RABGAP1L: variants seen among roughly 807,000 people sequenced by gnomAD.
RABGAP1L encodes the protein RAB GTPase activating protein 1 like.
In RABGAP1L, 63 loss-of-function variants were observed where a neutral mutation model predicts 137.7. The ratio of observed to expected loss-of-function variants is 0.46; its 90% CI spans 0.37 to 0.56. RABGAP1L has a LOEUF of 0.56. Among genes scored for constraint, RABGAP1L ranks in the 20% least tolerant of loss-of-function variants. The pLI, the probability that RABGAP1L is intolerant of heterozygous loss-of-function variation, is 0.00. For synonymous variants in RABGAP1L, 431 were observed against 433.7 expected (o/e 0.99, Z 0.08); for missense variants, 1,095 against 1,244.0 (o/e 0.88, Z 1.80).
intron 13 of RABGAP1L, among the ~76,000 whole-genome samples, chr1:174,428,304 GGA>G (rs1652199164): frequency 6.6e-6 from 1 of 152,154 alleles, no homozygotes; most frequent in South Asian, 2.1e-4. Context: ...TCTAGGTCTA[GGA>G]GCTGACAATG....
chr1:174,982,376 C>T (rs1466773925), intron 23 of RABGAP1L, among the ~76,000 whole-genome samples: 1 of 152,138 alleles, frequency 6.6e-6, no homozygotes, highest in Non-Finnish European at 1.5e-5. Context: ...TGAGTGAGAA[C>T]ATCACTCTGC....
At chr1:174,444,004 A>G (rs926808214) in intron 13 of RABGAP1L, among the ~76,000 whole-genome samples, 1 of 150,762 alleles carries the variant, frequency 6.6e-6, no homozygotes, top group African/African-American at 2.4e-5. Flanking sequence ...GTGTAGATTT[A>G]TTTCTGGTTT....
intron 13 of RABGAP1L, among the ~76,000 whole-genome samples, chr1:174,456,425 T>C (rs556562689): frequency 6.6e-6 from 1 of 152,242 alleles, no homozygotes; most frequent in East Asian, 1.9e-4. Context: ...TTTATAGTCA[T>C]ATACTTTATG....
intron 19 of RABGAP1L, chr1:174,897,538 A>C (rs1163124699): frequency 6.6e-6 from 1 of 152,222 alleles, no homozygotes; most frequent in Non-Finnish European, 1.5e-5. Flanking sequence ...AGCCATGATG[A>C]CTGTGGCAAC....
chr1:174,837,204 T>C (rs1692848670), intron 19 of RABGAP1L, among the ~76,000 whole-genome samples: 1 of 106,090 alleles, frequency 9.4e-6, no homozygotes, highest in Non-Finnish European at 2.1e-5. Context: ...CAAAACTCGG[T>C]CTCAAAAAAA....
chr1:174,195,705 C>CTTCTTTCTTTTCTTTCTT (rs1379428426), intron 1 of RABGAP1L, among the ~76,000 whole-genome samples: 1 of 98,080 alleles, frequency 1.0e-5, no homozygotes, highest in Admixed American at 1.0e-4. Flanking sequence ...TCCTTCTTTC[C>CTTCTTTCTTTTCTTTCTT]TTCTTTCTTT....
chr1:174,216,668 A>G (rs1669351488), intron 1 of RABGAP1L, among the ~76,000 whole-genome samples: 1 of 148,826 alleles, frequency 6.7e-6, no homozygotes, highest in Non-Finnish European at 1.5e-5. Context: ...TTTTTGACCT[A>G]TATAATTTTC....
chr1:174,784,873 G>A (rs1687337522), intron 18 of RABGAP1L, among the ~76,000 whole-genome samples: 1 of 152,100 alleles, frequency 6.6e-6, no homozygotes, highest in South Asian at 2.1e-4. Flanking sequence ...CCACCAGTCA[G>A]TTTCTTCTTG....
chr1:174,438,549 C>G (rs961089490), intron 13 of RABGAP1L, among the ~76,000 whole-genome samples: 3 of 151,426 alleles, frequency 2.0e-5, no homozygotes, highest in Non-Finnish European at 4.4e-5. Context: ...GAAACCCCAT[C>G]TGTACTAAAA....
chr1:174,946,980 G>GTGTGTA (rs770439099), intron 19 of RABGAP1L, among the ~76,000 whole-genome samples: 4,062 of 77,770 alleles, frequency 0.052, 193 homozygotes, highest in Non-Finnish European at 0.064. Context: ...GTGTGTGTGT[G>GTGTGTA]TATATATATG....
intron 18 of RABGAP1L, among the ~76,000 whole-genome samples, chr1:174,809,472 A>G (rs1689648665): frequency 6.6e-6 from 1 of 152,184 alleles, no homozygotes; most frequent in Non-Finnish European, 1.5e-5. Context: ...ATACCAATCT[A>G]TCTGCTTTTG....
chr1:174,448,999 A>G lies in RABGAP1L; in HGVS notation c.1710+54854A>G, dbSNP rs200217433. On this transcript the variant is annotated intron_variant, in intron 13 of 25. Transcript: ENST00000681986. The surrounding 1 kb of genome is among the most constrained non-coding windows in gnomAD (Gnocchi z 4.2). ...AAAGCTCCCGGGTCTTGGACAATCC[A>G]ACTCTGTCCTTCTTAACAACCTGGC... The G allele has an allele frequency of 6.2e-7, 1 of 1,613,450 alleles. No individual in the cohort carries two copies. Among genetic ancestry groups the G allele is most frequent in the East Asian group, 2.2e-5 (1 of 44,886 alleles).
intron 7 of RABGAP1L, among the ~76,000 whole-genome samples, chr1:174,266,378 A>G (rs187880181): frequency 7.2e-5 from 11 of 152,308 alleles, no homozygotes; most frequent in Admixed American, 7.2e-4. Context: ...GAAGTAAGTA[A>G]CCTGCAAAAT....
At chr1:174,356,860 T>C (rs1355230187) in intron 11 of RABGAP1L, among the ~76,000 whole-genome samples, 1 of 152,176 alleles carries the variant, frequency 6.6e-6, no homozygotes, top group Non-Finnish European at 1.5e-5. Context: ...AGCTAACACT[T>C]GGTACTACTG....
At chr1:174,935,879 G>A (rs1664694991) in intron 19 of RABGAP1L, among the ~76,000 whole-genome samples, 1 of 151,444 alleles carries the variant, frequency 6.6e-6, no homozygotes, top group South Asian at 2.1e-4. Context: ...TACTCAGAAG[G>A]CTGAGGCAGG....
At chr1:174,178,906 G>C (rs185412454) in intron 1 of RABGAP1L, among the ~76,000 whole-genome samples, 235 of 152,220 alleles carry the variant, frequency 1.5e-3, no homozygotes, top group Non-Finnish European at 2.5e-3. Context: ...CCTAGGTGAC[G>C]GGTTGATAGG....
chr1:174,613,974 T>G (rs1671527633), intron 13 of RABGAP1L, among the ~76,000 whole-genome samples: 1 of 152,190 alleles, frequency 6.6e-6, no homozygotes, highest in African/African-American at 2.4e-5. Context: ...ATGGGTTTCC[T>G]GAATACAGCA....
At chr1:174,635,068 AAAAG>A (rs1673853873) in intron 13 of RABGAP1L, among the ~76,000 whole-genome samples, 1 of 148,410 alleles carries the variant, frequency 6.7e-6, no homozygotes, top group Non-Finnish European at 1.5e-5. Flanking sequence ...AAAAAATAAA[AAAAG>A]AAAAAAAAGA....
intron 13 of RABGAP1L, among the ~76,000 whole-genome samples, chr1:174,579,190 T>C (rs751461890): frequency 1.3e-5 from 2 of 152,060 alleles, no homozygotes; most frequent in Non-Finnish European, 2.9e-5. Flanking sequence ...GCAGAAGGAA[T>C]AACATGTAGG....
Sources: gnomAD v4.1 joint callset for allele counts (sites outside exome capture counted in the v4.1 genomes callset) on GRCh38, gnomAD v4.1.1 for gene constraint, Gnocchi (gnomAD v3.1) non-coding constraint, MANE v1.5 for transcripts, NCBI Gene and HGNC (gene_info 2026-07-23, HGNC 2026-07-21) for gene names.